Variants in ARHGAP42 observed in about 807,000 individuals in gnomAD.
ARHGAP42 encodes Rho GTPase activating protein 42.
In ARHGAP42, 63 loss-of-function variants were observed where a neutral mutation model predicts 125.0. The ratio of observed to expected loss-of-function variants is 0.50; its 90% CI spans 0.41 to 0.62. The LOEUF (loss-of-function observed/expected upper bound fraction) is 0.62, where lower values mean the gene tolerates loss of function less well. ARHGAP42 is among the 20% of genes least tolerant of loss of function. The pLI is 0.00. For synonymous variants in ARHGAP42, 339 were observed against 351.0 expected (o/e 0.97, Z 0.38); for missense variants, 766 against 1,024.2 (o/e 0.75, Z 3.44).
At chr11:100,698,954 C>T (rs1427924247) in intron 1 of ARHGAP42, among the ~76,000 whole-genome samples, 1 of 152,134 alleles carries the variant, frequency 6.6e-6, no homozygotes, top group Non-Finnish European at 1.5e-5. Context: ...CTAGTTCCAG[C>T]TCCATCACTG....
chr11:100,930,784 A>C (rs1565281308), intron 6 of ARHGAP42, among the ~76,000 whole-genome samples: 1 of 152,202 alleles, frequency 6.6e-6, no homozygotes, highest in Non-Finnish European at 1.5e-5. Context: ...TTTGGTTAGG[A>C]CGACCCACAT....
At chr11:100,760,897 G>T (rs1397194781) in intron 1 of ARHGAP42, among the ~76,000 whole-genome samples, 1 of 152,090 alleles carries the variant, frequency 6.6e-6, no homozygotes. Context: ...AATAAAAGGA[G>T]AAATGGGCTG....
At chr11:100,919,323 G>A (rs1407963798) in intron 5 of ARHGAP42, among the ~76,000 whole-genome samples, 1 of 152,096 alleles carries the variant, frequency 6.6e-6, no homozygotes, top group Non-Finnish European at 1.5e-5. Context: ...CAGTTTAGGT[G>A]CAGTAAGCCA....
intron 3 of ARHGAP42, among the ~76,000 whole-genome samples, chr11:100,807,999 T>TA (rs1864039087): frequency 6.6e-6 from 1 of 152,210 alleles, no homozygotes; most frequent in Admixed American, 6.5e-5. Context: ...GGTAAATGTA[T>TA]ATAAAGTTAG....
intron 8 of ARHGAP42, 139 bp downstream of exon 8, chr11:100,936,471 C>A: frequency 2.5e-6 from 3 of 1,192,902 alleles, no homozygotes; most frequent in South Asian, 1.7e-5. Context: ...CCACCACAAC[C>A]AAAGTGAGGA....
At chr11:100,884,089 AT>A (rs1214514218) in intron 4 of ARHGAP42, among the ~76,000 whole-genome samples, 2 of 152,102 alleles carry the variant, frequency 1.3e-5, no homozygotes, top group Non-Finnish European at 2.9e-5. Flanking sequence ...CATTCTTTTC[AT>A]TTGTACTATG....
intron 1 of ARHGAP42, among the ~76,000 whole-genome samples, chr11:100,728,410 A>G (rs1284163507): frequency 6.6e-6 from 1 of 152,076 alleles, no homozygotes; most frequent in African/African-American, 2.4e-5. Context: ...TTCCCCTGAG[A>G]GAGAGAAAGA....
chr11:100,865,296 T>A (rs1865543316), intron 4 of ARHGAP42, among the ~76,000 whole-genome samples: 1 of 152,234 alleles, frequency 6.6e-6, no homozygotes, highest in Admixed American at 6.5e-5. Flanking sequence ...TCACAATTCC[T>A]GTTTCAGTCT....
chr11:100,885,593 A>G (rs1250611119), intron 4 of ARHGAP42, among the ~76,000 whole-genome samples: 1 of 152,210 alleles, frequency 6.6e-6, no homozygotes, highest in African/African-American at 2.4e-5. Flanking sequence ...AGTCTAATTC[A>G]TAAAGAGATT....
chr11:100,694,369 G>A (rs544654007), intron 1 of ARHGAP42, among the ~76,000 whole-genome samples: 2 of 152,246 alleles, frequency 1.3e-5, no homozygotes, highest in Non-Finnish European at 1.5e-5. Context: ...TAAATGATAT[G>A]CAACACTGAA....
Position 100,921,989 on chromosome 11 carries a change from G to A in ARHGAP42, c.597+385G>A, listed in dbSNP as rs570082334. ...GCTGTTGGCGGGAGGGGGGTGCAGA[G>A]GTGGTGGGGGACAGGTGAGCTGAGA... On this transcript the variant is annotated intron_variant, in intron 6 of 23. Coordinates refer to ENST00000298815, the MANE Select transcript of ARHGAP42 (RefSeq NM_152432.4). 6.0e-5 allele frequency among the ~76,000 whole-genome samples: 9 copies of A among 150,438 alleles called. No homozygotes were observed. The East Asian group carries it at 1.8e-3, about 29-fold the overall frequency.
At position 100,991,040 on chromosome 11, in the gene ARHGAP42, TGGCAA is replaced by T. The variant is rs1858818594; in HGVS notation, c.*2244_*2248del. On this transcript the variant is annotated 3_prime_UTR_variant, in exon 24 of 24. Transcript: ENST00000298815. ...TAGGAAGCCTAACTATTGTATCTGA[TGGCAA>T]GGCATATGTTGCAGCCACAGTACTG... is the stretch of plus-strand genomic sequence containing the variant. 3 of 152,188 alleles carry T rather than the reference TGGCAA, an allele frequency of 2.0e-5. No homozygotes were observed. The highest frequency in any genetic ancestry group is 4.1e-4 in the South Asian group (2 of 4,824). 9.4% of individuals were successfully genotyped at this position (152,188 alleles called of 1,614,324 possible). A position where few individuals can be genotyped will look rare whatever the true frequency, so the allele number is the denominator to read the frequency against.
chr11:100,862,861 G>C (rs614686), intron 4 of ARHGAP42, among the ~76,000 whole-genome samples: 124,174 of 151,732 alleles, frequency 0.82, 51,050 homozygotes, highest in East Asian at 0.96. Flanking sequence ...TGGAGAAACC[G>C]CATCCTCTAC....
chr11:100,817,648 G>A (rs1437992112), intron 3 of ARHGAP42, among the ~76,000 whole-genome samples: 1 of 152,130 alleles, frequency 6.6e-6, no homozygotes, highest in Non-Finnish European at 1.5e-5. Context: ...GTATAAGCCA[G>A]ACATTACTCT....
chr11:100,776,816 C>A (rs946155805), intron 2 of ARHGAP42, among the ~76,000 whole-genome samples: 2 of 151,902 alleles, frequency 1.3e-5, no homozygotes, highest in African/African-American at 2.4e-5. Flanking sequence ...AACCCCATCT[C>A]TTCTAAAAAT....
At chr11:100,694,192 C>T (rs1407599669) in intron 1 of ARHGAP42, among the ~76,000 whole-genome samples, 1 of 152,102 alleles carries the variant, frequency 6.6e-6, no homozygotes, top group African/African-American at 2.4e-5. Context: ...CTCAGCTTCC[C>T]AGAGTGCTGG....
At chr11:100,739,175 G>T (rs533588101) in intron 1 of ARHGAP42, among the ~76,000 whole-genome samples, 12 of 150,836 alleles carry the variant, frequency 8.0e-5, no homozygotes, top group African/African-American at 2.7e-4. Context: ...TGTTTTAAAT[G>T]AAGCAGTTTT....
chr11:100,936,273 A>G lies in ARHGAP42; in HGVS notation c.773A>G (p.Gln258Arg). 6.4e-7 allele frequency: 1 copy of G among 1,551,686 alleles called. No individual in the cohort carries two copies. ...ATGCAAAGGATGAAATCTGCTAACC[A>G]GGACTACAGACCACCCAGCCAGTGG... ...RLMQRMKSAN[Q>R]DYRPPSQWTM... is the part of the protein sequence containing the mutation. Residue 258 changes from glutamine to arginine, a missense_variant, in exon 8 of 24, where the codon CAG becomes CGG. By Grantham distance (43) the Gln-to-Arg change is conservative. Transcript: ENST00000298815.
chr11:100,806,596 T>TTA (rs1555002554), intron 3 of ARHGAP42, among the ~76,000 whole-genome samples: 5 of 151,190 alleles, frequency 3.3e-5, no homozygotes, highest in South Asian at 2.1e-4. Context: ...CACCTGAAAT[T>TTA]AAAAAAAATA....
Sources: gnomAD v4.1 joint callset for allele counts (sites outside exome capture counted in the v4.1 genomes callset) on GRCh38, gnomAD v4.1.1 for gene constraint, MANE v1.5 for transcripts, NCBI Gene and HGNC (gene_info 2026-07-23, HGNC 2026-07-21) for gene names.